SDK1: variants seen among roughly 807,000 people sequenced by gnomAD.
SDK1 encodes sidekick cell adhesion molecule 1.
Under a neutral mutation model 245.5 loss-of-function variants are expected in SDK1, and 157 were observed. That is an observed-to-expected ratio of 0.64 (90% CI 0.56 to 0.73). SDK1 has a LOEUF of 0.73. SDK1 is among the 30% of genes least tolerant of loss of function. The probability of loss-of-function intolerance (pLI) is 0.00; values close to 1 mark genes in which losing one functional copy is unlikely to be tolerated. For missense variants in SDK1, 3,583 were observed against 3,002.3 expected (o/e 1.19, Z -4.52); for synonymous variants, 1,647 against 1,278.5 (o/e 1.29, Z -6.15).
At position 3,580,261 on chromosome 7, in the gene SDK1, A is replaced by T. The variant is rs576046271; in HGVS notation, c.299-38819A>T. ...CAATGCTATTCCTATCAAACTACCC[A>T]TAACATTCTTCACAAAACTGGAAAT... is the stretch of plus-strand genomic sequence containing the variant. On this transcript the variant is annotated intron_variant, in intron 1 of 44. Coordinates refer to ENST00000404826, the MANE Select transcript of SDK1 (RefSeq NM_152744.4). 4.1e-4 allele frequency among the ~76,000 whole-genome samples: 63 copies of T among 152,308 alleles called. 1 individual carries two copies. In the South Asian group the frequency reaches 0.012, roughly 30 times the overall value.
chr7:3,346,825 A>AT lies in SDK1; in HGVS notation c.298+44942dup, dbSNP rs1421251144. On this transcript the variant is annotated intron_variant, in intron 1 of 44. Transcript: ENST00000404826. ...TGTGTGTGTATATATATATATATAT[A>AT]TATTTTTTTTTTTTTTTTTTTTTTT... Among the ~76,000 whole-genome samples the AT allele has an allele frequency of 3.7e-3, 102 of 27,584 alleles. 2 individuals are homozygous for AT. The highest frequency in any genetic ancestry group is 0.011 in the African/African-American group (67 of 6,036). The allele number at this position is 27,584 out of a possible 152,430, so 18.1% of individuals were successfully genotyped here.
chr7:3,386,322 A>C (rs1011356162), intron 1 of SDK1, among the ~76,000 whole-genome samples: 1 of 152,186 alleles, frequency 6.6e-6, no homozygotes, highest in Non-Finnish European at 1.5e-5. Context: ...AGTTTTAGCT[A>C]TCATGAATTT....
At chr7:3,927,150 C>T (rs909954216) in intron 5 of SDK1, among the ~76,000 whole-genome samples, 10 of 152,274 alleles carry the variant, frequency 6.6e-5, no homozygotes, top group African/African-American at 2.2e-4. Context: ...CAGAAATAGC[C>T]TGCGAGATCT....
chr7:4,262,421 G>T (rs150397645), intron 44 of SDK1, among the ~76,000 whole-genome samples: 195 of 151,422 alleles, frequency 1.3e-3, no homozygotes, highest in African/African-American at 4.5e-3. Context: ...AAACATGCAG[G>T]GTCCATGTTC....
intron 30 of SDK1, 108 bp from the exon 31 acceptor site, chr7:4,158,340 T>G: frequency 1.2e-6 from 1 of 848,212 alleles, no homozygotes. Flanking sequence ...CCCAGAGCTC[T>G]CAGGGCAGGG....
intron 32 of SDK1, among the ~76,000 whole-genome samples, chr7:4,162,994 G>A (rs1490648567): frequency 6.6e-6 from 1 of 152,214 alleles, no homozygotes; most frequent in Non-Finnish European, 1.5e-5. Flanking sequence ...GGCCTGTGTA[G>A]CCCGGATCCG....
At chr7:3,985,124 A>C (rs998021638) in intron 13 of SDK1, among the ~76,000 whole-genome samples, 1 of 151,970 alleles carries the variant, frequency 6.6e-6, no homozygotes, top group East Asian at 1.9e-4. Flanking sequence ...CAGCATGGCC[A>C]GACCCATCCT....
intron 1 of SDK1, among the ~76,000 whole-genome samples, chr7:3,570,830 C>T (rs1780091934): frequency 1.3e-5 from 2 of 149,698 alleles, no homozygotes; most frequent in African/African-American, 2.4e-5. Flanking sequence ...TTGTTTTGTT[C>T]AGTGACTTTT....
intron 1 of SDK1, among the ~76,000 whole-genome samples, chr7:3,515,773 C>A (rs1172429968): frequency 6.6e-6 from 1 of 152,118 alleles, no homozygotes. Flanking sequence ...ATTACACATG[C>A]ATTATTTAAA....
chr7:4,051,211 TACATA>T (rs1421242255), intron 18 of SDK1, among the ~76,000 whole-genome samples: 1 of 142,374 alleles, frequency 7.0e-6, no homozygotes, highest in Non-Finnish European at 1.5e-5. Flanking sequence ...TATATATGTA[TACATA>T]ACATATACTA....
intron 40 of SDK1, among the ~76,000 whole-genome samples, chr7:4,225,327 C>T (rs1169137513): frequency 1.3e-5 from 2 of 152,166 alleles, no homozygotes; most frequent in Non-Finnish European, 1.5e-5. Flanking sequence ...GTCAAGTAAT[C>T]ATTGAAAAAG....
At chr7:4,029,737 A>G (rs1440963487) in intron 17 of SDK1, among the ~76,000 whole-genome samples, 3 of 152,212 alleles carry the variant, frequency 2.0e-5, no homozygotes, top group African/African-American at 7.2e-5. Context: ...TCTCCTGGGC[A>G]GTACCGTCTG....
rs146807150 is a variant in SDK1, at chr7:3,711,107, A to G, written c.713+69002A>G. Among the ~76,000 whole-genome samples, 51 of 152,334 alleles carry G rather than the reference A, an allele frequency of 3.3e-4. 1 individual carries two copies. The highest frequency in any genetic ancestry group is 1.2e-3 in the African/African-American group (51 of 41,578). ...AGAAAGGAAAATAGTTTCGTATCCA[A>G]AAGTTTGAATTGTCTTATTTAAGAA... On this transcript the variant is annotated intron_variant, in intron 4 of 44. Coordinates refer to ENST00000404826, the MANE Select transcript of SDK1 (RefSeq NM_152744.4).
At chr7:4,030,991 C>A (rs1787770961) in intron 17 of SDK1, among the ~76,000 whole-genome samples, 2 of 152,280 alleles carry the variant, frequency 1.3e-5, no homozygotes, top group African/African-American at 4.8e-5. Context: ...GGTTTCATAA[C>A]AGTAGGCCCC....
rs769711572 is a variant in SDK1, at chr7:4,241,912, A to G, written c.6250A>G (p.Arg2084Gly). 6 of 1,612,792 alleles carry G rather than the reference A, an allele frequency of 3.7e-6. No homozygotes were observed. Among genetic ancestry groups the G allele is most frequent in the Non-Finnish European group, 5.1e-6 (6 of 1,180,020 alleles). The change falls in exon 43 of 45, where the codon AGG (arginine) becomes GGG (glycine). Residue 2084 changes from arginine to glycine, a missense_variant and splice_region_variant. By Grantham distance (125) the Arg-to-Gly change is moderately radical (BLOSUM62 -2). Transcript: ENST00000404826. ...KSTFSKKNGTRSPPRPSPGGL... is the reference protein window; with the variant it reads ...KSTFSKKNGTGSPPRPSPGGL... ...CACCTTCTCCAAGAAGAACGGGACC[A>G]GGTAGGCAGGCAGTGCTGTGCTGCG...
rs772469167 is a variant in SDK1 at position 4,149,355 on chromosome 7, C to A, written c.4517C>A (p.Ala1506Asp). The A allele has an allele frequency of 6.3e-6, 10 of 1,591,372 alleles. No homozygotes were observed. In the South Asian group the frequency reaches 1.1e-4, roughly 18 times the overall value. ...RLQWVPGSDG[A>D]SPIRYFTMQV... ...CAGTGGGTCCCGGGCAGCGACGGGGCCTCCCCCATCCGGTACTTCACCATG... is the reference window on the plus strand; with the variant it reads ...CAGTGGGTCCCGGGCAGCGACGGGGACTCCCCCATCCGGTACTTCACCATG... Residue 1506 changes from alanine (A) to aspartate (D), a missense_variant, in exon 30 of 45, where the codon GCC (alanine) becomes GAC (aspartate). Coordinates refer to ENST00000404826, the MANE Select transcript of SDK1 (RefSeq NM_152744.4).
chr7:3,652,514 G>A (rs1044855788), intron 4 of SDK1, among the ~76,000 whole-genome samples: 5 of 152,216 alleles, frequency 3.3e-5, no homozygotes, highest in African/African-American at 9.6e-5. Context: ...TTTGGTAAAC[G>A]TGCTTGTGGA....
intron 4 of SDK1, among the ~76,000 whole-genome samples, chr7:3,701,045 G>A (rs916046229): frequency 6.6e-6 from 1 of 152,116 alleles, no homozygotes; most frequent in African/African-American, 2.4e-5. Context: ...CGCGCAGGGA[G>A]GAGGCTGAGG....
At chr7:3,788,307 C>T (rs1326520626) in intron 4 of SDK1, among the ~76,000 whole-genome samples, 2 of 152,178 alleles carry the variant, frequency 1.3e-5, no homozygotes, top group South Asian at 2.1e-4. Context: ...CTCCCTCCAT[C>T]GCCCATAACA....
Sources: gnomAD v4.1 joint callset for allele counts (sites outside exome capture counted in the v4.1 genomes callset) on GRCh38, gnomAD v4.1.1 for gene constraint, MANE v1.5 for transcripts, NCBI Gene and HGNC (gene_info 2026-07-23, HGNC 2026-07-21) for gene names.